Variants in SIPA1L2 observed in about 807,000 individuals in gnomAD.
SIPA1L2 encodes signal induced proliferation associated 1 like 2.
SIPA1L2 carries 56 observed loss-of-function variants against 163.9 expected under a neutral mutation model. The observed-to-expected ratio is 0.34, with a 90% CI of 0.28 to 0.43. The LOEUF (loss-of-function observed/expected upper bound fraction) is 0.43. SIPA1L2 is among the 20% of genes least tolerant of loss of function. The pLI is 1.00. For synonymous variants in SIPA1L2, 877 were observed against 865.7 expected, an observed-to-expected ratio of 1.01 and a Z score of -0.23; for missense variants, 1,974 against 2,193.5, an observed-to-expected ratio of 0.90 and a Z score of 2.00.
At chr1:232,598,237 TAA>T (rs10536551) in intron 1 of SIPA1L2, among the ~76,000 whole-genome samples, 2,264 of 98,394 alleles carry the variant, frequency 0.023, 19 homozygotes, top group Non-Finnish European at 0.036. Flanking sequence ...CCCTGTCTGT[TAA>T]AAAAAAAAAA....
intron 2 of SIPA1L2, among the ~76,000 whole-genome samples, chr1:232,563,012 G>C (rs1383975261): frequency 6.6e-6 from 1 of 152,220 alleles, no homozygotes; most frequent in Non-Finnish European, 1.5e-5. Flanking sequence ...AAGCTATTCA[G>C]ATGCTTTCTG....
At chr1:232,461,306 A>G in intron 9 of SIPA1L2, 145 bp from the exon 10 acceptor site, 2 of 988,886 alleles carry the variant, frequency 2.0e-6, no homozygotes, top group Non-Finnish European at 3.0e-6. Context: ...TTTTCCTCAA[A>G]CTGTCCAAGT....
chr1:232,466,696 A>C (rs1312513700), intron 8 of SIPA1L2, among the ~76,000 whole-genome samples: 4 of 152,110 alleles, frequency 2.6e-5, no homozygotes, highest in Non-Finnish European at 5.9e-5. Context: ...GAGGCTGAGG[A>C]AGGAGAATGG....
At chr1:232,453,944 T>C (rs1265176898) in intron 10 of SIPA1L2, among the ~76,000 whole-genome samples, 1 of 152,212 alleles carries the variant, frequency 6.6e-6, no homozygotes, top group East Asian at 1.9e-4. Context: ...ACTGATATTT[T>C]AATCATTTTA....
intron 9 of SIPA1L2, among the ~76,000 whole-genome samples, chr1:232,463,693 T>C (rs1664358631): frequency 6.6e-6 from 1 of 152,192 alleles, no homozygotes; most frequent in East Asian, 1.9e-4. Context: ...AAAAGAAGTA[T>C]TTGCAATTAG....
chr1:232,424,715 C>T (rs970347804), intron 18 of SIPA1L2, among the ~76,000 whole-genome samples: 12 of 152,042 alleles, frequency 7.9e-5, no homozygotes, highest in East Asian at 1.9e-4. Flanking sequence ...AGGTTCATTT[C>T]CAATTATGTT....
chr1:232,460,850 G>T (rs1664196245), intron 10 of SIPA1L2, 37 bp downstream of exon 10: 2 of 1,596,066 alleles, frequency 1.3e-6, no homozygotes, highest in African/African-American at 2.7e-5. Context: ...CAGAGGCAAA[G>T]GAGGAGTGAG....
At chr1:232,481,025 C>T (rs745526798) in intron 6 of SIPA1L2, among the ~76,000 whole-genome samples, 1 of 151,694 alleles carries the variant, frequency 6.6e-6, no homozygotes. Context: ...ATGAATAAGG[C>T]GAATACTTAG....
chr1:232,479,195 C>A (rs2102966306), intron 7 of SIPA1L2, among the ~76,000 whole-genome samples: 1 of 152,130 alleles, frequency 6.6e-6, no homozygotes, highest in Admixed American at 6.5e-5. Flanking sequence ...GAAATTTTGG[C>A]CAATAAATCC....
chr1:232,616,611 C>T (rs775988318), intron 1 of SIPA1L2, among the ~76,000 whole-genome samples: 3 of 152,196 alleles, frequency 2.0e-5, no homozygotes, highest in Non-Finnish European at 4.4e-5. Context: ...AGGAGAGCAG[C>T]CTACCTGTCC....
Position 232,441,764 on chromosome 1 carries a change from T to C in SIPA1L2, c.3538+4A>G, listed in dbSNP as rs1572902160. The C allele has an allele frequency of 6.2e-7, 1 of 1,613,218 alleles. No individual in the cohort carries two copies. The highest frequency in any genetic ancestry group is 8.5e-7 in the Non-Finnish European group (1 of 1,179,444). On this transcript the variant is annotated splice_donor_region_variant and intron_variant, in intron 13 of 22. Transcript: ENST00000674635. ...GAGGTCAATTTCCAGGAGTTCCTTA[T>C]TACCCGGGTGCCTGCTTGCTTCCAT... is the stretch of plus-strand genomic sequence containing the variant.
Position 232,432,406 on chromosome 1 carries a change from G to A in SIPA1L2, c.4097C>T (p.Ser1366Phe), listed in dbSNP as rs545377675. ...GCTGTGAGACACGATGTAGACTTTG[G>A]ATGAATCCAGAGACCCACTACTTTT... Reference protein sequence around the residue: ...CSKSSGSLDSSKVYIVSHSSG... With the variant: ...CSKSSGSLDSFKVYIVSHSSG... The change falls in exon 16 of 23, where the codon TCC (serine) becomes TTC (phenylalanine). Residue 1366 changes from serine (S) to phenylalanine (F), a missense_variant. By Grantham distance (155) the Ser-to-Phe change is radical (BLOSUM62 -2). This residue lies in a region of SIPA1L2 where 1,079 missense variants were observed against 1,150.7 expected (regional missense o/e 0.94). Coordinates refer to ENST00000674635, the MANE Select transcript of SIPA1L2 (RefSeq NM_020808.5). 8.1e-6 allele frequency: 13 copies of A among 1,614,236 alleles called. 1 individual carries two copies. In the African/African-American group the frequency reaches 1.5e-4, roughly 18 times the overall value.
chr1:232,439,981 G>A (rs752194261), intron 14 of SIPA1L2, among the ~76,000 whole-genome samples: 4 of 152,154 alleles, frequency 2.6e-5, no homozygotes, highest in Non-Finnish European at 4.4e-5. Context: ...TTGTAATACC[G>A]AGCTTACATG....
In SIPA1L2 at chr1:232,427,503, T is replaced by C. The variant is rs12032703; in HGVS notation, c.4410+908A>G. Among the ~76,000 whole-genome samples the C allele has an allele frequency of 0.035, 5,309 of 152,268 alleles. 567 individuals are homozygous for C. In the East Asian group the frequency reaches 0.41, roughly 12 times the overall value. ...CATATGAACAAGAGGGAGTGCTGGATTAGAAGTGAGAGACAAGGACTCAGT... is the reference window on the plus strand; with the variant it reads ...CATATGAACAAGAGGGAGTGCTGGACTAGAAGTGAGAGACAAGGACTCAGT... On this transcript the variant is annotated intron_variant, in intron 17 of 22. Coordinates refer to ENST00000674635, the MANE Select transcript of SIPA1L2 (RefSeq NM_020808.5).
intron 1 of SIPA1L2, among the ~76,000 whole-genome samples, chr1:232,599,716 T>A (rs1661494499): frequency 6.6e-6 from 1 of 152,222 alleles, no homozygotes; most frequent in Non-Finnish European, 1.5e-5. Flanking sequence ...GGCAAAGCTG[T>A]GTAAGATACA....
At chr1:232,585,128 T>A (rs1306734988) in intron 1 of SIPA1L2, among the ~76,000 whole-genome samples, 2 of 152,164 alleles carry the variant, frequency 1.3e-5, no homozygotes, top group Non-Finnish European at 2.9e-5. Flanking sequence ...AAATGTACAA[T>A]TTGGGGAAAT....
chr1:232,547,801 T>A (rs1271231764), intron 2 of SIPA1L2, among the ~76,000 whole-genome samples: 1 of 152,026 alleles, frequency 6.6e-6, no homozygotes, highest in Non-Finnish European at 1.5e-5. Flanking sequence ...CCAAATCATA[T>A]CTCATTTCCA....
intron 2 of SIPA1L2, among the ~76,000 whole-genome samples, chr1:232,529,517 C>T (rs1474077225): frequency 2.6e-5 from 4 of 152,304 alleles, no homozygotes; most frequent in East Asian, 1.9e-4. Flanking sequence ...AGGTAAAACA[C>T]CCTTGAGGAG....
intron 3 of SIPA1L2, among the ~76,000 whole-genome samples, chr1:232,512,173 T>C (rs533026407): frequency 5.8e-4 from 88 of 152,290 alleles, no homozygotes; most frequent in Non-Finnish European, 1.0e-3. Context: ...CTCAATGAGA[T>C]ACCATCTCAC....
Sources: allele counts gnomAD v4.1 joint callset (sites outside exome capture counted in the v4.1 genomes callset), GRCh38; gene constraint gnomAD v4.1.1; regional missense constraint gnomAD v4.1.1; transcripts MANE v1.5; gene names NCBI Gene and HGNC (gene_info 2026-07-23, HGNC 2026-07-21).